EYS: variants seen among roughly 807,000 people sequenced by gnomAD.
EYS encodes the protein EGF-like photoreceptor maintenance factor, also known as protein eyes shut homolog.
Under a neutral mutation model 282.1 loss-of-function variants are expected in EYS, and 250 were observed. The observed-to-expected ratio is 0.89, with a 90% CI of 0.80 to 0.98. The LOEUF is 0.98. Ranked by LOEUF, EYS falls within the 50% of genes least tolerant of loss-of-function variation. The probability of loss-of-function intolerance (pLI) is 0.00; values close to 1 mark genes in which losing one functional copy is unlikely to be tolerated. For missense variants in EYS, 4,016 were observed against 3,709.0 expected (o/e 1.08, Z -2.15); for synonymous variants, 1,355 against 1,282.9 (o/e 1.06, Z -1.20).
intron 2 of EYS, among the ~76,000 whole-genome samples, chr6:65,612,722 T>C (rs181738949): frequency 5.0e-4 from 76 of 151,690 alleles, no homozygotes; most frequent in Non-Finnish European, 9.8e-4. Flanking sequence ...TTTCATATAT[T>C]TTATAGAATG....
intron 11 of EYS, among the ~76,000 whole-genome samples, chr6:65,326,633 T>C (rs1769629841): frequency 6.6e-6 from 1 of 151,630 alleles, no homozygotes; most frequent in Non-Finnish European, 1.5e-5. Flanking sequence ...ATAGAATTTA[T>C]ATATGAATTT....
At chr6:63,961,224 C>G (rs1400411086) in intron 35 of EYS, among the ~76,000 whole-genome samples, 1 of 152,168 alleles carries the variant, frequency 6.6e-6, no homozygotes. Context: ...GCTAAGCCAT[C>G]ATATCCCCTG....
intron 12 of EYS, among the ~76,000 whole-genome samples, chr6:65,063,025 G>A (rs1773625152): frequency 2.0e-5 from 3 of 151,740 alleles, no homozygotes; most frequent in African/African-American, 4.8e-5. Flanking sequence ...CGCAAAGTTG[G>A]GCCACATTAA....
intron 18 of EYS, among the ~76,000 whole-genome samples, chr6:64,900,254 G>C (rs9445435): frequency 2.0e-5 from 3 of 151,988 alleles, no homozygotes; most frequent in Non-Finnish European, 2.9e-5. Flanking sequence ...AGATTAAAAC[G>C]TAAGATCTAA....
intron 36 of EYS, among the ~76,000 whole-genome samples, chr6:63,835,599 C>A (rs567645182): frequency 1.3e-3 from 204 of 151,830 alleles, no homozygotes; most frequent in African/African-American, 4.6e-3. Flanking sequence ...GGGAGGGAGG[C>A]GAGAGATTTG....
At chr6:65,063,018 A>G (rs962230835) in intron 12 of EYS, among the ~76,000 whole-genome samples, 1 of 152,028 alleles carries the variant, frequency 6.6e-6, no homozygotes, top group African/African-American at 2.4e-5. Context: ...TTCACAGCGC[A>G]AAGTTGGGCC....
At chr6:65,126,049 T>C (rs1376947461) in intron 12 of EYS, among the ~76,000 whole-genome samples, 2 of 152,164 alleles carry the variant, frequency 1.3e-5, no homozygotes, top group Non-Finnish European at 2.9e-5. Context: ...CTAAACCTTC[T>C]GCAAGTTTGT....
chr6:64,573,033 G>T (rs1254791126), intron 26 of EYS, among the ~76,000 whole-genome samples: 1 of 152,024 alleles, frequency 6.6e-6, no homozygotes, highest in Non-Finnish European at 1.5e-5. Flanking sequence ...ATGCTACAAG[G>T]CTACCATTAC....
At chr6:64,451,806 A>T (rs532667815) in intron 26 of EYS, among the ~76,000 whole-genome samples, 2 of 152,306 alleles carry the variant, frequency 1.3e-5, no homozygotes, top group African/African-American at 4.8e-5. Flanking sequence ...ACAAAATTGA[A>T]CAACCTTCAT....
chr6:65,269,318 C>G (rs982683654), intron 12 of EYS, among the ~76,000 whole-genome samples: 2 of 152,116 alleles, frequency 1.3e-5, no homozygotes, highest in Non-Finnish European at 2.9e-5. Context: ...GTGTGTGACT[C>G]AGATTCTAGA....
At chr6:63,839,199 C>A (rs1771885539) in intron 36 of EYS, among the ~76,000 whole-genome samples, 3 of 152,256 alleles carry the variant, frequency 2.0e-5, no homozygotes, top group Admixed American at 1.3e-4. Flanking sequence ...ATTAACTAAC[C>A]TTTGGCTATC....
chr6:64,974,685 A>T (rs1474163118), intron 14 of EYS, among the ~76,000 whole-genome samples: 1 of 151,846 alleles, frequency 6.6e-6, no homozygotes, highest in African/African-American at 2.4e-5. Context: ...CAATGGCATT[A>T]TTTGTGTGGA....
At chr6:64,674,162 T>C (rs911647888) in intron 22 of EYS, among the ~76,000 whole-genome samples, 5 of 152,134 alleles carry the variant, frequency 3.3e-5, no homozygotes, top group African/African-American at 9.6e-5. Context: ...TTACTGAGAA[T>C]AGATCTTATC....
intron 2 of EYS, among the ~76,000 whole-genome samples, chr6:65,597,508 C>T (rs552903974): frequency 2.1e-4 from 32 of 152,054 alleles, no homozygotes; most frequent in African/African-American, 7.5e-4. Context: ...TGGATAGACA[C>T]CCCCAAACTG....
chr6:64,040,920 G>A (rs1770360681), intron 33 of EYS, among the ~76,000 whole-genome samples: 1 of 152,170 alleles, frequency 6.6e-6, no homozygotes. Context: ...TACAACCTGT[G>A]TTTAAATAGA....
At chr6:65,073,903 T>G (rs937452752) in intron 12 of EYS, among the ~76,000 whole-genome samples, 1 of 151,924 alleles carries the variant, frequency 6.6e-6, no homozygotes, top group East Asian at 1.9e-4. Flanking sequence ...AAATGAACAC[T>G]TGAATTATAA....
intron 31 of EYS, among the ~76,000 whole-genome samples, chr6:64,212,023 G>C (rs1165863901): frequency 6.6e-6 from 1 of 151,996 alleles, no homozygotes; most frequent in East Asian, 1.9e-4. Flanking sequence ...GGCTGAGGCA[G>C]GAGAACCGCT....
chr6:65,525,161 A>G (rs1767510323), intron 2 of EYS, among the ~76,000 whole-genome samples: 1 of 151,888 alleles, frequency 6.6e-6, no homozygotes, highest in Non-Finnish European at 1.5e-5. Context: ...AACCCATTTT[A>G]AAGTCATATG....
chr6:65,521,322 T>C (rs1161797225), intron 2 of EYS, among the ~76,000 whole-genome samples: 2 of 152,080 alleles, frequency 1.3e-5, no homozygotes, highest in African/African-American at 4.8e-5. Flanking sequence ...CTACCTTTCT[T>C]ACACTGAATA....
Sources: allele counts gnomAD v4.1 joint callset (sites outside exome capture counted in the v4.1 genomes callset), GRCh38; gene constraint gnomAD v4.1.1; transcripts MANE v1.5; gene names NCBI Gene and HGNC (gene_info 2026-07-23, HGNC 2026-07-21).